Variants in TMEM120B observed in about 807,000 individuals in gnomAD.
TMEM120B encodes the protein transmembrane protein 120B.
A neutral mutation model predicts 55.5 loss-of-function variants in TMEM120B; 31 were observed. The ratio of observed to expected loss-of-function variants is 0.56; its 90% CI spans 0.42 to 0.75. The LOEUF is 0.75. Among genes scored for constraint, TMEM120B ranks in the 30% least tolerant of loss-of-function variants. The pLI is 0.00. For missense variants in TMEM120B, 399 were observed against 425.5 expected (o/e 0.94, Z 0.55); for synonymous variants, 203 against 176.3 (o/e 1.15, Z -1.20).
intron 5 of TMEM120B, among the ~76,000 whole-genome samples, chr12:121,753,232 A>C (rs1873382348): frequency 6.6e-6 from 1 of 152,174 alleles, no homozygotes; most frequent in African/African-American, 2.4e-5. Context: ...GTAGGATTCC[A>C]TTGCTGAGAA....
intron 9 of TMEM120B, among the ~76,000 whole-genome samples, chr12:121,773,718 C>G: frequency 6.6e-6 from 1 of 151,946 alleles, no homozygotes; most frequent in Non-Finnish European, 1.5e-5. Flanking sequence ...AGGGCAGGGC[C>G]TCTGTCTCAG....
chr12:121,758,842 G>T (rs1183918028), intron 5 of TMEM120B: 1 of 980,344 alleles, frequency 1.0e-6, no homozygotes, highest in Non-Finnish European at 1.2e-6. Flanking sequence ...GCTCCACGTT[G>T]TGGTCACCAT....
At chr12:121,749,905 C>CAAAAAAA (rs112189031) in intron 3 of TMEM120B, among the ~76,000 whole-genome samples, 2 of 79,852 alleles carry the variant, frequency 2.5e-5, no homozygotes, top group African/African-American at 4.0e-5. Context: ...GACTCTGTCT[C>CAAAAAAA]AAAAAAAAAA....
chr12:121,728,744 C>T (rs1460965542), intron 1 of TMEM120B, among the ~76,000 whole-genome samples: 1 of 152,118 alleles, frequency 6.6e-6, no homozygotes, highest in African/African-American at 2.4e-5. Flanking sequence ...TAAGCAGTTC[C>T]AGGAGCTCAG....
intron 1 of TMEM120B, among the ~76,000 whole-genome samples, chr12:121,730,456 C>T (rs1894978255): frequency 7.2e-6 from 1 of 138,974 alleles, no homozygotes; most frequent in African/African-American, 2.7e-5. Context: ...ACCATCCTGG[C>T]CAATATGGTG....
At chr12:121,774,116 C>T (rs967251689) in intron 9 of TMEM120B, among the ~76,000 whole-genome samples, 11 of 152,056 alleles carry the variant, frequency 7.2e-5, no homozygotes, top group Non-Finnish European at 1.0e-4. Flanking sequence ...CCACCACGCC[C>T]GGCTAATTTT....
At chr12:121,746,759 C>G (rs1237284764) in intron 2 of TMEM120B, among the ~76,000 whole-genome samples, 1 of 152,004 alleles carries the variant, frequency 6.6e-6, no homozygotes, top group Non-Finnish European at 1.5e-5. Context: ...TCGAGACCAT[C>G]CTGGCTAACA....
rs982875788 is a variant in TMEM120B, at chr12:121,777,512, A to C, written c.*1790A>C. On this transcript the variant is annotated 3_prime_UTR_variant, in exon 12 of 12. Coordinates refer to ENST00000449592, the MANE Select transcript of TMEM120B (RefSeq NM_001080825.2). ...TCCCTAGAAAAACGGACCTGGCAACATTCCCGTGGCACAGGACGCCTACTC... is the reference window on the plus strand; with the variant it reads ...TCCCTAGAAAAACGGACCTGGCAACCTTCCCGTGGCACAGGACGCCTACTC... The C allele has an allele frequency of 1.2e-4, 19 of 152,194 alleles. No individual in the cohort carries two copies. Among genetic ancestry groups the C allele is most frequent in the African/African-American group, 4.6e-4 (19 of 41,444 alleles). 9.4% of individuals were successfully genotyped at this position (152,194 alleles called of 1,614,324 possible).
intron 6 of TMEM120B, among the ~76,000 whole-genome samples, chr12:121,762,277 A>AC (rs1439066791): frequency 6.6e-6 from 1 of 151,944 alleles, no homozygotes; most frequent in African/African-American, 2.4e-5. Flanking sequence ...GTCTCAAAAA[A>AC]AAAAAAAAAA....
At chr12:121,755,355 C>G (rs1188214850) in intron 5 of TMEM120B, among the ~76,000 whole-genome samples, 2 of 152,212 alleles carry the variant, frequency 1.3e-5, no homozygotes, top group Non-Finnish European at 2.9e-5. Context: ...GGCTCCAGGA[C>G]ATCTACTCCA....
chr12:121,773,265 T>C (rs1259488314), intron 8 of TMEM120B, among the ~76,000 whole-genome samples, 156 bp from the exon 9 acceptor site: 1 of 152,176 alleles, frequency 6.6e-6, no homozygotes, highest in African/African-American at 2.4e-5. Flanking sequence ...TGTGTGTCTG[T>C]TTGTGGTGTG....
chr12:121,712,817 C>G lies in TMEM120B; in HGVS notation c.-79C>G. On this transcript the variant is annotated 5_prime_UTR_variant, in exon 1 of 12. Coordinates refer to ENST00000449592, the MANE Select transcript of TMEM120B (RefSeq NM_001080825.2). The stretch of plus-strand genomic sequence containing the variant: ...CCTCCGAGGGCGGTCGGCGAGCGCG[C>G]GGGCGTGGGGCGCTGGGGGGCCGGT... 1 of 1,111,788 alleles carries G rather than the reference C, an allele frequency of 9.0e-7. No individual in the cohort carries two copies. Among genetic ancestry groups the G allele is most frequent in the Non-Finnish European group, 1.2e-6 (1 of 863,176 alleles). 68.9% of individuals were successfully genotyped at this position (1,111,788 alleles called of 1,614,324 possible).
intron 2 of TMEM120B, among the ~76,000 whole-genome samples, chr12:121,744,053 T>TC (rs1491292980): frequency 1.4e-5 from 2 of 138,784 alleles, no homozygotes; most frequent in African/African-American, 5.3e-5. Context: ...AGTGTCTCTC[T>TC]TTTTTTTTTT....
chr12:121,726,157 G>A (rs980093106), intron 1 of TMEM120B, among the ~76,000 whole-genome samples: 3 of 152,098 alleles, frequency 2.0e-5, no homozygotes, highest in African/African-American at 7.2e-5. Flanking sequence ...CTTATTGGGT[G>A]ATAGAAGGTT....
intron 1 of TMEM120B, among the ~76,000 whole-genome samples, chr12:121,730,774 A>G (rs1378278902): frequency 6.6e-6 from 1 of 151,802 alleles, no homozygotes; most frequent in Non-Finnish European, 1.5e-5. Context: ...CCTGACCAAC[A>G]TGGAGAAATG....
At chr12:121,760,449 C>CT (rs2137280864) in intron 5 of TMEM120B, among the ~76,000 whole-genome samples, 1 of 152,308 alleles carries the variant, frequency 6.6e-6, no homozygotes, top group East Asian at 1.9e-4. Context: ...TTGGGGTGGG[C>CT]TGTCTGCATG....
At chr12:121,729,828 G>A (rs1007877025) in intron 1 of TMEM120B, among the ~76,000 whole-genome samples, 1 of 152,106 alleles carries the variant, frequency 6.6e-6, no homozygotes, top group Non-Finnish European at 1.5e-5. Flanking sequence ...GTTTCAGAAA[G>A]ATATTTGTAC....
rs1462954689 is a variant in TMEM120B at position 121,743,533 on chromosome 12, G to C, written c.70-96G>C. Reference sequence around the variant, plus strand: ...AGATCATGCCACTGCACTCCAGCCTGGGTGACAGAGCGAGACTCTCTCAAA... The same window carrying C: ...AGATCATGCCACTGCACTCCAGCCTCGGTGACAGAGCGAGACTCTCTCAAA... On this transcript the variant is annotated intron_variant, in intron 1 of 11. Transcript: ENST00000449592. 8 of 914,940 alleles carry C rather than the reference G, an allele frequency of 8.7e-6. No individual in the cohort carries two copies. The African/African-American group carries it at 1.3e-4, about 15-fold the overall frequency. 56.7% of individuals were successfully genotyped at this position (914,940 alleles called of 1,614,324 possible). A position where few individuals can be genotyped will look rare whatever the true frequency, so the allele number is the denominator to read the frequency against.
intron 9 of TMEM120B, among the ~76,000 whole-genome samples, chr12:121,773,876 A>G (rs10082967): frequency 0.39 from 59,318 of 150,880 alleles, 14,321 homozygotes; most frequent in African/African-American, 0.69. Flanking sequence ...AAGCCATAGG[A>G]GTGCCAGCCA....
Sources: allele counts gnomAD v4.1 joint callset (sites outside exome capture counted in the v4.1 genomes callset), GRCh38; gene constraint gnomAD v4.1.1; transcripts MANE v1.5; gene names NCBI Gene and HGNC (gene_info 2026-07-23, HGNC 2026-07-21).